CEP44: variants seen among roughly 807,000 people sequenced by gnomAD.
CEP44 encodes centrosomal protein of 44 kDa.
CEP44 carries 45 observed loss-of-function variants against 46.7 expected under a neutral mutation model. The ratio of observed to expected loss-of-function variants is 0.96; its 90% CI spans 0.76 to 1.24. The LOEUF (loss-of-function observed/expected upper bound fraction) is 1.24. Among genes scored for constraint, CEP44 ranks in the 50% most tolerant of loss-of-function variants. CEP44 has a pLI of 0.00. For synonymous variants in CEP44, 142 were observed against 146.0 expected, an observed-to-expected ratio of 0.97 and a Z score of 0.20; for missense variants, 475 against 459.7, an observed-to-expected ratio of 1.03 and a Z score of -0.30.
At chr4:174,306,272 A>AC (rs1740388686) in intron 6 of CEP44, among the ~76,000 whole-genome samples, 1 of 152,144 alleles carries the variant, frequency 6.6e-6, no homozygotes, top group Non-Finnish European at 1.5e-5. Context: ...TTGTTAGCTG[A>AC]AGGTCTAATA....
intron 9 of CEP44, among the ~76,000 whole-genome samples, chr4:174,315,199 C>G (rs1014752834): frequency 8.0e-5 from 12 of 150,344 alleles, no homozygotes; most frequent in African/African-American, 2.0e-4. Context: ...CAATAAAGCT[C>G]TCTTTATGTG....
rs377073255 is a variant in CEP44 at position 174,295,013 on chromosome 4, G to T, written c.-147-2953G>T. On this transcript the variant is annotated intron_variant, in intron 1 of 11. Transcript: ENST00000503780. ...CCCCACCTCCCTCCCGGATGGGACG[G>T]CTGGCCAGGCGGGGGGCTGACCCCC... Among the ~76,000 whole-genome samples the T allele has an allele frequency of 8.1e-3, 1,110 of 137,630 alleles. 25 individuals carry two copies. Among genetic ancestry groups the T allele is most frequent in the African/African-American group, 0.031 (1,036 of 33,918 alleles). The allele number at this position is 137,630 out of a possible 152,430, so 90.3% of individuals were successfully genotyped here. A position where few individuals can be genotyped will look rare whatever the true frequency, so the allele number is the denominator to read the frequency against.
intron 1 of CEP44, among the ~76,000 whole-genome samples, chr4:174,293,687 GT>G (rs950148482): frequency 6.6e-6 from 1 of 151,704 alleles, no homozygotes; most frequent in Non-Finnish European, 1.5e-5. Context: ...CTTTTAGGGG[GT>G]TTTTTTTGTT....
intron 9 of CEP44, among the ~76,000 whole-genome samples, chr4:174,315,028 A>C (rs569705204): frequency 6.6e-6 from 1 of 152,224 alleles, no homozygotes; most frequent in Non-Finnish European, 1.5e-5. Context: ...ATGAGTCAGC[A>C]GAGAAAGCCA....
chr4:174,328,642 T>C (rs1731139070), intron 8 of CEP44, among the ~76,000 whole-genome samples: 1 of 152,218 alleles, frequency 6.6e-6, no homozygotes, highest in Non-Finnish European at 1.5e-5. Context: ...AAATTGTCTG[T>C]AATTTTTAGG....
At chr4:174,298,223 T>A (rs976309708) in intron 2 of CEP44, among the ~76,000 whole-genome samples, 161 bp downstream of exon 2, 1 of 131,510 alleles carries the variant, frequency 7.6e-6, no homozygotes, top group African/African-American at 2.9e-5. Context: ...TCGCCCAGGC[T>A]GGAGTGCAGT....
In CEP44 at chr4:174,309,006, A is replaced by G. The variant is rs1740771934; in HGVS notation, c.678+147A>G. The G allele has an allele frequency of 5.3e-6, 4 of 756,668 alleles. No individual in the cohort carries two copies. The highest frequency in any genetic ancestry group is 5.6e-5 in the Admixed American group (2 of 35,686). The allele number at this position is 756,668 out of a possible 1,614,324, so 46.9% of individuals were successfully genotyped here. On this transcript the variant is annotated intron_variant, in intron 7 of 11. Transcript: ENST00000503780. This position sits in a 1 kb window ranked among gnomAD's most constrained non-coding sequence, Gnocchi z 5.3. ...CTATGTTACAATTACTGAAGTGTCAATAAGTCTTACTAAAATAATTCAACA... is the reference window on the plus strand; with the variant it reads ...CTATGTTACAATTACTGAAGTGTCAGTAAGTCTTACTAAAATAATTCAACA...
At chr4:174,322,612 T>C (rs1742395792), downstream of CEP44, among the ~76,000 whole-genome samples, 1 of 152,200 alleles carries the variant, frequency 6.6e-6, no homozygotes, top group Non-Finnish European at 1.5e-5. Flanking sequence ...AAAGAGATCC[T>C]GAATTTTGTT....
rs190660269 is a variant in CEP44, at chr4:174,312,268, T to G, written c.961+1410T>G. 0.018 allele frequency among the ~76,000 whole-genome samples: 2,738 copies of G among 150,036 alleles called. 34 individuals are homozygous for G. Among genetic ancestry groups the G allele is most frequent in the African/African-American group, 0.038 (1,540 of 40,722 alleles). Reference sequence around the variant, plus strand: ...CTATTTAGAAAACACATGGCTAAGTTTTTTTTTTTTAATTTTTTAATTTTT... The same window carrying G: ...CTATTTAGAAAACACATGGCTAAGTGTTTTTTTTTTAATTTTTTAATTTTT... On this transcript the variant is annotated intron_variant, in intron 9 of 11. Coordinates refer to ENST00000503780, the MANE Select transcript of CEP44 (RefSeq NM_001040157.3). This position sits in a 1 kb window ranked among gnomAD's most constrained non-coding sequence, Gnocchi z 4.5.
At chr4:174,294,520 G>A (rs1314786449) in intron 1 of CEP44, among the ~76,000 whole-genome samples, 4 of 150,008 alleles carry the variant, frequency 2.7e-5, no homozygotes, top group African/African-American at 2.5e-5. Context: ...CCACAAAACC[G>A]CCATTGTCAT....
At chr4:174,298,100 A>C (rs1314137487) in intron 2 of CEP44, 38 bp downstream of exon 2, 2 of 151,760 alleles carry the variant, frequency 1.3e-5, no homozygotes, top group Non-Finnish European at 2.9e-5. Context: ...TCATTTTCCA[A>C]AATTTTGTTG....
At position 174,290,546 on chromosome 4, in the gene CEP44, T is replaced by C. The variant is rs1738077701; in HGVS notation, c.-148+6603T>C. Among the ~76,000 whole-genome samples, 1 of 152,018 alleles carries C rather than the reference T, an allele frequency of 6.6e-6. No individual in the cohort carries two copies. Among genetic ancestry groups the C allele is most frequent in the African/African-American group, 2.4e-5 (1 of 41,446 alleles). ...TTGGGTCTCATGTTCTGTATATGCATGTTAGGTCTTTGGTCTATAGTGTTG... is the reference window on the plus strand; with the variant it reads ...TTGGGTCTCATGTTCTGTATATGCACGTTAGGTCTTTGGTCTATAGTGTTG... On this transcript the variant is annotated intron_variant, in intron 1 of 11. Coordinates refer to ENST00000503780, the MANE Select transcript of CEP44 (RefSeq NM_001040157.3). The surrounding 1 kb of genome is among the most constrained non-coding windows in gnomAD (Gnocchi z 4.3).
chr4:174,300,320 G>A (rs976288341), intron 3 of CEP44, among the ~76,000 whole-genome samples: 6 of 152,104 alleles, frequency 3.9e-5, no homozygotes, highest in Non-Finnish European at 7.4e-5. Context: ...TTATATGTGA[G>A]AGGCAGAAGA....
chr4:174,309,776 G>A lies in CEP44; in HGVS notation c.679-74G>A. 1.0e-6 allele frequency: 1 copy of A among 1,003,372 alleles called. No homozygotes were observed. Among genetic ancestry groups the A allele is most frequent in the Non-Finnish European group, 1.5e-6 (1 of 671,274 alleles). 62.2% of individuals were successfully genotyped at this position (1,003,372 alleles called of 1,614,324 possible). ...TCCTAACTGTTGAGATAACGCTGTG[G>A]AAGTGAGAATACATTAATTTTAAAG... On this transcript the variant is annotated intron_variant, in intron 7 of 11. Transcript: ENST00000503780. The surrounding 1 kb of genome is among the most constrained non-coding windows in gnomAD (Gnocchi z 5.3).
At chr4:174,291,473 A>G (rs944901051) in intron 1 of CEP44, among the ~76,000 whole-genome samples, 6 of 151,968 alleles carry the variant, frequency 3.9e-5, no homozygotes, top group Non-Finnish European at 5.9e-5. Context: ...TATTGTTTCT[A>G]TTAACAAATT....
At chr4:174,313,967 G>T (rs947258092) in intron 9 of CEP44, among the ~76,000 whole-genome samples, 2 of 152,124 alleles carry the variant, frequency 1.3e-5, no homozygotes, top group Non-Finnish European at 2.9e-5. Context: ...AAATCAGTTG[G>T]ATACATACAT....
Position 174,297,680 on chromosome 4 carries a change from G to GTA in CEP44, c.-147-285_-147-284insAT, listed in dbSNP as rs1739214041. Among the ~76,000 whole-genome samples, 1 of 139,904 alleles carries GTA rather than the reference G, an allele frequency of 7.1e-6. No homozygotes were observed. Among genetic ancestry groups the GTA allele is most frequent in the South Asian group, 2.2e-4 (1 of 4,462 alleles). The allele number at this position is 139,904 out of a possible 152,430, so 91.8% of individuals were successfully genotyped here. On this transcript the variant is annotated intron_variant, in intron 1 of 11. Transcript: ENST00000503780. The surrounding 1 kb of genome is among the most constrained non-coding windows in gnomAD (Gnocchi z 4.3). ...TGTGTGTGTGTGTGTGTGTGTGTGT[G>GTA]TGTGTTTTCATTAATACTTCTTTCT...
chr4:174,319,021 CT>C lies in CEP44; in HGVS notation c.*1639del, dbSNP rs1485575900. On this transcript the variant is annotated 3_prime_UTR_variant, in exon 12 of 12. Coordinates refer to ENST00000503780, the MANE Select transcript of CEP44 (RefSeq NM_001040157.3). ...ACAGGGTTTCACCATGTTGCCCAGT[CT>C]GTTCTCAAACTCGTGAGCTAAAGCT... is the stretch of plus-strand genomic sequence containing the variant. 2.4e-6 allele frequency: 1 copy of C among 412,552 alleles called. No individual in the cohort carries two copies. The allele number at this position is 412,552 out of a possible 1,614,324, so 25.6% of individuals were successfully genotyped here. A position where few individuals can be genotyped will look rare whatever the true frequency, so the allele number is the denominator to read the frequency against.
At chr4:174,292,445 T>C (rs989130920) in intron 1 of CEP44, among the ~76,000 whole-genome samples, 3 of 152,222 alleles carry the variant, frequency 2.0e-5, no homozygotes, top group African/African-American at 7.2e-5. Flanking sequence ...TAAATGTGCT[T>C]TCTGCCCCCT....
Sources: gnomAD v4.1 joint callset for allele counts (sites outside exome capture counted in the v4.1 genomes callset) on GRCh38, gnomAD v4.1.1 for gene constraint, Gnocchi (gnomAD v3.1) non-coding constraint, MANE v1.5 for transcripts, NCBI Gene and HGNC (gene_info 2026-07-23, HGNC 2026-07-21) for gene names.